The following FBXL7 variants were observed in gnomAD, a reference collection of about 807,000 sequenced individuals.
The protein encoded by FBXL7 is F-box/LRR-repeat protein 7.
A neutral mutation model predicts 38.3 loss-of-function variants in FBXL7; 12 were observed. The observed-to-expected ratio is 0.31, with a 90% CI of 0.20 to 0.51. The LOEUF (loss-of-function observed/expected upper bound fraction) is 0.51. Among genes scored for constraint, FBXL7 ranks in the 20% least tolerant of loss-of-function variants. The pLI, the probability that FBXL7 is intolerant of heterozygous loss-of-function variation, is 0.98. For synonymous variants in FBXL7, 297 were observed against 300.9 expected, an observed-to-expected ratio of 0.99 and a Z score of 0.13; for missense variants, 567 against 676.4, an observed-to-expected ratio of 0.84 and a Z score of 1.79.
chr5:15,826,001 A>AT (rs1009996887), intron 2 of FBXL7, among the ~76,000 whole-genome samples: 1 of 152,114 alleles, frequency 6.6e-6, no homozygotes, highest in African/African-American at 2.4e-5. Flanking sequence ...CCTTAAGGAG[A>AT]TTTTTTTGTG....
At chr5:15,888,269 C>G (rs1740762179) in intron 2 of FBXL7, among the ~76,000 whole-genome samples, 2 of 151,316 alleles carry the variant, frequency 1.3e-5, no homozygotes, top group Non-Finnish European at 2.9e-5. Context: ...GCTCTGTCAC[C>G]TAGGCTGGAG....
chr5:15,642,081 C>T (rs1741385740), intron 2 of FBXL7, among the ~76,000 whole-genome samples: 1 of 151,398 alleles, frequency 6.6e-6, no homozygotes, highest in Admixed American at 6.6e-5. Flanking sequence ...TTTAAAAGAA[C>T]ATAATGCCCA....
chr5:15,802,028 A>G (rs1052367543), intron 2 of FBXL7, among the ~76,000 whole-genome samples: 5 of 152,032 alleles, frequency 3.3e-5, no homozygotes, highest in African/African-American at 7.2e-5. Context: ...TCAACATGAG[A>G]GAAGGCCCTA....
At chr5:15,755,445 T>C (rs1345996427) in intron 2 of FBXL7, among the ~76,000 whole-genome samples, 4 of 152,158 alleles carry the variant, frequency 2.6e-5, no homozygotes, top group African/African-American at 9.7e-5. Flanking sequence ...TCTCTCTTTC[T>C]CTCTGTGTCT....
chr5:15,826,067 C>T (rs980325856), intron 2 of FBXL7, among the ~76,000 whole-genome samples: 1 of 152,142 alleles, frequency 6.6e-6, no homozygotes, highest in African/African-American at 2.4e-5. Context: ...AACATTTCTT[C>T]GCTAGGTAAC....
At chr5:15,873,045 G>A (rs141070573) in intron 2 of FBXL7, among the ~76,000 whole-genome samples, 3,027 of 152,146 alleles carry the variant, frequency 0.02, 57 homozygotes, top group Non-Finnish European at 0.026. Context: ...AACACTCCTC[G>A]GCAAATGCAA....
At chr5:15,808,189 C>G (rs1284516332) in intron 2 of FBXL7, among the ~76,000 whole-genome samples, 1 of 151,986 alleles carries the variant, frequency 6.6e-6, no homozygotes, top group Non-Finnish European at 1.5e-5. Flanking sequence ...ATCTAACCCA[C>G]TCAACCCATT....
At chr5:15,735,550 T>TGTTTGAGA (rs1475465799) in intron 2 of FBXL7, among the ~76,000 whole-genome samples, 2 of 152,184 alleles carry the variant, frequency 1.3e-5, no homozygotes, top group Non-Finnish European at 2.9e-5. Context: ...AACAATTACA[T>TGTTTGAGA]GTTTGAGATT....
intron 2 of FBXL7, among the ~76,000 whole-genome samples, chr5:15,878,214 A>G (rs1740291702): frequency 6.6e-6 from 1 of 152,164 alleles, no homozygotes; most frequent in South Asian, 2.1e-4. Flanking sequence ...AGTTGCGGGG[A>G]GTCAGGGATT....
intron 2 of FBXL7, among the ~76,000 whole-genome samples, chr5:15,765,951 A>T (rs1736576079): frequency 6.6e-6 from 1 of 152,106 alleles, no homozygotes; most frequent in Admixed American, 6.5e-5. Context: ...TCCTGGTTTC[A>T]GATAAATCAA....
At chr5:15,880,721 T>TTATATATATATA (rs3034531) in intron 2 of FBXL7, among the ~76,000 whole-genome samples, 212 of 143,342 alleles carry the variant, frequency 1.5e-3, no homozygotes, top group Middle Eastern at 7.3e-3. Flanking sequence ...ATATACTATA[T>TTATATATATATA]TATATATATA....
chr5:15,771,770 ATTT>A (rs35138853), intron 2 of FBXL7, among the ~76,000 whole-genome samples: 319 of 113,244 alleles, frequency 2.8e-3, no homozygotes, highest in African/African-American at 7.2e-3. Flanking sequence ...GGATTAACAG[ATTT>A]TTTTTTTTTT....
At chr5:15,622,036 A>G (rs1026437366) in intron 2 of FBXL7, among the ~76,000 whole-genome samples, 4 of 152,198 alleles carry the variant, frequency 2.6e-5, no homozygotes, top group African/African-American at 9.7e-5. Flanking sequence ...GACATGCACA[A>G]ATAGCTAGAA....
chr5:15,646,830 C>A (rs1741546582), intron 2 of FBXL7, among the ~76,000 whole-genome samples: 1 of 152,124 alleles, frequency 6.6e-6, no homozygotes, highest in Non-Finnish European at 1.5e-5. Context: ...AGTATATGAC[C>A]AAGGGATACT....
At chr5:15,927,344 A>G (rs1309730971) in intron 2 of FBXL7, among the ~76,000 whole-genome samples, 2 of 152,118 alleles carry the variant, frequency 1.3e-5, no homozygotes, top group African/African-American at 4.8e-5. Context: ...TGCAGACCAC[A>G]GGGAATTGTT....
At chr5:15,874,523 A>G (rs910535576) in intron 2 of FBXL7, among the ~76,000 whole-genome samples, 4 of 152,170 alleles carry the variant, frequency 2.6e-5, no homozygotes, top group African/African-American at 4.8e-5. Context: ...GAACCCCATC[A>G]TCTCAGCCCA....
intron 1 of FBXL7, among the ~76,000 whole-genome samples, chr5:15,531,550 C>T (rs1737432076): frequency 6.6e-6 from 1 of 152,144 alleles, no homozygotes; most frequent in Non-Finnish European, 1.5e-5. Context: ...TATGGCCTGG[C>T]CAACTGGCAT....
chr5:15,776,912 C>T (rs1405156358), intron 2 of FBXL7, among the ~76,000 whole-genome samples: 1 of 152,004 alleles, frequency 6.6e-6, no homozygotes, highest in East Asian at 1.9e-4. Context: ...TACCTGATTA[C>T]ATATATATCT....
At chr5:15,704,219 C>T (rs770139440) in intron 2 of FBXL7, among the ~76,000 whole-genome samples, 3 of 152,182 alleles carry the variant, frequency 2.0e-5, no homozygotes, top group Non-Finnish European at 4.4e-5. Flanking sequence ...GCTTGTGCTG[C>T]TCATTAACAT....
Sources: gnomAD v4.1 joint callset for allele counts (sites outside exome capture counted in the v4.1 genomes callset) on GRCh38, gnomAD v4.1.1 for gene constraint, MANE v1.5 for transcripts, NCBI Gene and HGNC (gene_info 2026-07-23, HGNC 2026-07-21) for gene names.